The following HTN3 variants were observed in gnomAD, a reference collection of about 807,000 sequenced individuals.
HTN3 encodes the protein histatin 3.
Under a neutral mutation model 10.6 loss-of-function variants are expected in HTN3, and 15 were observed. The ratio of observed to expected loss-of-function variants is 1.42; its 90% CI spans 0.95 to 2.18. HTN3 has a LOEUF of 2.18. Ranked by LOEUF, HTN3 falls within the 30% of genes most tolerant of loss-of-function variation. The pLI is 0.00. For missense variants in HTN3, 68 were observed against 58.0 expected (o/e 1.17, Z -0.56); for synonymous variants, 15 against 16.9 (o/e 0.89, Z 0.27).
chr4:70,031,034 G>A (rs1725372281), intron 2 of HTN3: 2 of 350,880 alleles, frequency 5.7e-6, no homozygotes, highest in Admixed American at 4.7e-5. Flanking sequence ...AATTAAGCAA[G>A]CTTCATAAAT....
At chr4:70,029,912 T>C (rs778254374) in intron 1 of HTN3, among the ~76,000 whole-genome samples, 3 of 152,322 alleles carry the variant, frequency 2.0e-5, no homozygotes, top group South Asian at 2.1e-4. Context: ...AATCTCAAGG[T>C]TGCACCATCT....
At chr4:70,034,306 C>T (rs550697933) in intron 5 of HTN3, 3 of 152,088 alleles carry the variant, frequency 2.0e-5, no homozygotes, top group Non-Finnish European at 4.4e-5. Context: ...GCAGTCTACC[C>T]ATCTGACAAA....
At chr4:70,035,369 T>G (rs1032441753) in intron 5 of HTN3, among the ~76,000 whole-genome samples, 1 of 152,210 alleles carries the variant, frequency 6.6e-6, no homozygotes, top group African/African-American at 2.4e-5. Context: ...AAGCTCTTTA[T>G]AGAATTTGTA....
intron 2 of HTN3, among the ~76,000 whole-genome samples, chr4:70,031,653 C>T (rs1725384086): frequency 6.6e-6 from 1 of 152,060 alleles, no homozygotes; most frequent in South Asian, 2.1e-4. Context: ...CTACATAGAA[C>T]ATATTCATAT....
intron 5 of HTN3, among the ~76,000 whole-genome samples, chr4:70,034,759 T>C (rs1278179500): frequency 6.6e-6 from 1 of 152,210 alleles, no homozygotes; most frequent in East Asian, 1.9e-4. Context: ...GATATGTTTA[T>C]TGCAGCACTA....
At chr4:70,031,704 T>G (rs1426651053) in intron 2 of HTN3, among the ~76,000 whole-genome samples, 1 of 152,090 alleles carries the variant, frequency 6.6e-6, no homozygotes, top group Non-Finnish European at 1.5e-5. Context: ...TTCCACTCTC[T>G]TATTCACCAA....
In HTN3 at chr4:70,030,711, C is replaced by T; in HGVS notation, c.-13-17C>T. ...TGAAAGAATGTGATTACTGATTTTT[C>T]ATGTTTGATTTTATAGGACTCAGCC... On this transcript the variant is annotated splice_polypyrimidine_tract_variant and intron_variant, in intron 1 of 5. Coordinates refer to ENST00000673563, the MANE Select transcript of HTN3 (RefSeq NM_000200.3). 1 of 1,540,692 alleles carries T rather than the reference C, an allele frequency of 6.5e-7. No individual in the cohort carries two copies. Among genetic ancestry groups the T allele is most frequent in the Non-Finnish European group, 9.0e-7 (1 of 1,114,136 alleles).
intron 5 of HTN3, among the ~76,000 whole-genome samples, chr4:70,035,387 T>A (rs1021120715): frequency 6.6e-6 from 1 of 152,206 alleles, no homozygotes; most frequent in Non-Finnish European, 1.5e-5. Context: ...GTAGGGCTAT[T>A]GAGAGACATT....
At chr4:70,029,000 A>G (rs1725311211) in intron 1 of HTN3, among the ~76,000 whole-genome samples, 1 of 152,066 alleles carries the variant, frequency 6.6e-6, no homozygotes, top group Admixed American at 6.6e-5. Context: ...AAATCAAAAT[A>G]TATACTGTAT....
intron 1 of HTN3, 77 bp from the exon 2 acceptor site, chr4:70,030,651 T>C (rs1446243625): frequency 4.1e-6 from 4 of 965,478 alleles, no homozygotes; most frequent in African/African-American, 1.6e-5. Context: ...CTTTGAAGCA[T>C]AGTGTCATCA....
chr4:70,028,921 T>G (rs1725306901), intron 1 of HTN3, among the ~76,000 whole-genome samples: 1 of 152,058 alleles, frequency 6.6e-6, no homozygotes, highest in Non-Finnish European at 1.5e-5. Context: ...TAATTTACTT[T>G]CCTCTTAGTC....
intron 2 of HTN3, 21 bp downstream of exon 2, chr4:70,030,812 T>A: frequency 6.3e-7 from 1 of 1,580,736 alleles, no homozygotes; most frequent in Non-Finnish European, 8.7e-7. Flanking sequence ...CTGGAAGTTT[T>A]AAAGGATACA....
intron 2 of HTN3, chr4:70,031,004 T>C: frequency 2.5e-6 from 1 of 396,248 alleles, no homozygotes; most frequent in Non-Finnish European, 4.5e-6. Flanking sequence ...TACAATTACT[T>C]GAATATAAAA....
At chr4:70,036,020 T>C (rs1469777745) in intron 5 of HTN3, among the ~76,000 whole-genome samples, 1 of 151,438 alleles carries the variant, frequency 6.6e-6, no homozygotes, top group East Asian at 1.9e-4. Context: ...AAGATGATGA[T>C]GGAAAACCTC....
intron 1 of HTN3, among the ~76,000 whole-genome samples, chr4:70,029,705 T>C (rs996596295): frequency 4.7e-5 from 7 of 150,274 alleles, no homozygotes; most frequent in Non-Finnish European, 8.8e-5. Flanking sequence ...TTTACTTTTT[T>C]ATATCAGCCG....
chr4:70,033,289 A>G lies in HTN3; in HGVS notation c.*33+36A>G, dbSNP rs377732216. On this transcript the variant is annotated intron_variant, in intron 5 of 5. Transcript: ENST00000673563. The stretch of plus-strand genomic sequence containing the variant: ...TCTAGTTACTTTTCTTTCTAGAAGT[A>G]TCAACACTGACAGTTAAAACAAGGA... 7.5e-5 allele frequency: 70 copies of G among 935,716 alleles called. 1 individual carries two copies. Among genetic ancestry groups the G allele is most frequent in the Non-Finnish European group, 9.8e-5 (59 of 599,194 alleles). The allele number at this position is 935,716 out of a possible 1,614,324, so 58.0% of individuals were successfully genotyped here.
intron 5 of HTN3, among the ~76,000 whole-genome samples, chr4:70,034,676 T>C (rs1389667633): frequency 3.9e-5 from 6 of 152,210 alleles, no homozygotes; most frequent in Non-Finnish European, 7.3e-5. Context: ...AAATACCATT[T>C]GACCTAGCAA....
chr4:70,031,314 G>A lies in HTN3; in HGVS notation c.51+523G>A, dbSNP rs1224446335. 6.5e-5 allele frequency: 10 copies of A among 154,330 alleles called. No homozygotes were observed. The East Asian group carries it at 9.5e-4, about 15-fold the overall frequency. 9.6% of individuals were successfully genotyped at this position (154,330 alleles called of 1,614,324 possible). On this transcript the variant is annotated intron_variant, in intron 2 of 5. Coordinates refer to ENST00000673563, the MANE Select transcript of HTN3 (RefSeq NM_000200.3). ...GTGTCATGAGTTCCCAGCTTGTATC[G>A]TCATTTACTACTGTGTAATAGTAGA...
chr4:70,033,033 A>G, intron 4 of HTN3, 134 bp from the exon 5 acceptor site: 1 of 600,462 alleles, frequency 1.7e-6, no homozygotes. Context: ...AAATTTGAAA[A>G]CATTTATGTA....
Sources: allele counts gnomAD v4.1 joint callset (sites outside exome capture counted in the v4.1 genomes callset), GRCh38; gene constraint gnomAD v4.1.1; transcripts MANE v1.5; gene names NCBI Gene and HGNC (gene_info 2026-07-23, HGNC 2026-07-21).